The following PTPRD variants were observed in gnomAD, a reference collection of about 807,000 sequenced individuals.
PTPRD encodes protein tyrosine phosphatase receptor type D.
A neutral mutation model predicts 214.5 loss-of-function variants in PTPRD; 34 were observed. The observed-to-expected ratio is 0.16, with a 90% CI of 0.12 to 0.21. The LOEUF (loss-of-function observed/expected upper bound fraction) is 0.21, where lower values mean the gene tolerates loss of function less well. Among genes scored for constraint, PTPRD ranks in the 10% least tolerant of loss-of-function variants. The pLI, the probability that PTPRD is intolerant of heterozygous loss-of-function variation, is 1.00. For missense variants in PTPRD, 2,545 were observed against 2,398.7 expected, an observed-to-expected ratio of 1.06 and a Z score of -1.27; for synonymous variants, 1,128 against 845.7, an observed-to-expected ratio of 1.33 and a Z score of -5.79.
intron 4 of PTPRD, among the ~76,000 whole-genome samples, chr9:9,967,173 C>T (rs535217181): frequency 1.2e-4 from 19 of 152,238 alleles, no homozygotes; most frequent in African/African-American, 4.6e-4. Flanking sequence ...AGACAAATGC[C>T]TCAGCCACTC....
chr9:9,405,187 T>C (rs1293740845), intron 8 of PTPRD, among the ~76,000 whole-genome samples: 1 of 152,102 alleles, frequency 6.6e-6, no homozygotes, highest in East Asian at 1.9e-4. Context: ...ATGATATTGA[T>C]TTTCTCTGCT....
At chr9:9,707,963 A>G (rs2097656573) in intron 7 of PTPRD, among the ~76,000 whole-genome samples, 1 of 151,952 alleles carries the variant, frequency 6.6e-6, no homozygotes, top group African/African-American at 2.4e-5. Context: ...AAGAAATCTG[A>G]TCACCCTTTA....
chr9:8,621,598 G>C (rs543687445), intron 14 of PTPRD, among the ~76,000 whole-genome samples: 1 of 151,800 alleles, frequency 6.6e-6, no homozygotes, highest in South Asian at 2.1e-4. Context: ...CTTCCTCCCA[G>C]ATGATGATTT....
At chr9:9,318,420 C>A (rs1039110329) in intron 9 of PTPRD, among the ~76,000 whole-genome samples, 2 of 151,988 alleles carry the variant, frequency 1.3e-5, no homozygotes, top group Non-Finnish European at 2.9e-5. Flanking sequence ...AAATGAGATT[C>A]TAAAATTCCA....
Position 8,436,770 on chromosome 9 carries a change from T to C in PTPRD, c.3989-81A>G, listed in dbSNP as rs2095367350. On this transcript the variant is annotated intron_variant, in intron 34 of 45. Transcript: ENST00000381196. The stretch of plus-strand genomic sequence containing the variant: ...CTATTCCAAAATATAGAGAATACTA[T>C]AGTTAGAAATGGCCTGAAAATATGT... 18 of 1,104,034 alleles carry C rather than the reference T, an allele frequency of 1.6e-5. No individual in the cohort carries two copies. In the Admixed American group the frequency reaches 3.1e-4, roughly 19 times the overall value. 68.4% of individuals were successfully genotyped at this position (1,104,034 alleles called of 1,614,324 possible). A position where few individuals can be genotyped will look rare whatever the true frequency, so the allele number is the denominator to read the frequency against.
intron 7 of PTPRD, among the ~76,000 whole-genome samples, chr9:9,708,468 G>C (rs767663097): frequency 6.6e-6 from 1 of 151,964 alleles, no homozygotes; most frequent in Non-Finnish European, 1.5e-5. Flanking sequence ...ACATTACATA[G>C]TCAATTATTT....
chr9:8,871,490 T>C (rs2098297879), intron 11 of PTPRD, among the ~76,000 whole-genome samples: 1 of 152,146 alleles, frequency 6.6e-6, no homozygotes, highest in Non-Finnish European at 1.5e-5. Flanking sequence ...AATTTTATGG[T>C]AGAGTTAGAC....
chr9:10,586,900 T>G (rs969878028), intron 2 of PTPRD, among the ~76,000 whole-genome samples: 3 of 151,974 alleles, frequency 2.0e-5, no homozygotes, highest in Admixed American at 6.6e-5. Flanking sequence ...AAGTATTTAA[T>G]CAACACACTT....
chr9:10,608,786 A>C (rs1350891869), intron 2 of PTPRD, among the ~76,000 whole-genome samples: 1 of 152,056 alleles, frequency 6.6e-6, no homozygotes, highest in African/African-American at 2.4e-5. Context: ...ATTCTTCATT[A>C]ATTCTTCTTC....
chr9:9,678,040 C>T (rs549386241), intron 7 of PTPRD, among the ~76,000 whole-genome samples: 3 of 152,188 alleles, frequency 2.0e-5, no homozygotes, highest in Non-Finnish European at 4.4e-5. Context: ...TCAAGGAGAA[C>T]TACAAATCAC....
At chr9:9,665,166 C>G (rs1174224516) in intron 7 of PTPRD, among the ~76,000 whole-genome samples, 1 of 151,558 alleles carries the variant, frequency 6.6e-6, no homozygotes, top group Non-Finnish European at 1.5e-5. Flanking sequence ...AAAGTACTAG[C>G]TATAGAAAAT....
chr9:9,803,549 C>A (rs80016517), intron 5 of PTPRD, among the ~76,000 whole-genome samples: 1 of 151,944 alleles, frequency 6.6e-6, no homozygotes, highest in African/African-American at 2.4e-5. Context: ...GATAAAACTT[C>A]ATGGCCAGCA....
intron 5 of PTPRD, among the ~76,000 whole-genome samples, chr9:9,819,895 T>A (rs998391065): frequency 3.3e-5 from 5 of 152,300 alleles, no homozygotes; most frequent in Middle Eastern, 3.4e-3. Context: ...CAGTCCATTG[T>A]TGATGGACAC....
intron 5 of PTPRD, among the ~76,000 whole-genome samples, chr9:9,874,265 A>G (rs927564567): frequency 1.3e-5 from 2 of 152,226 alleles, no homozygotes; most frequent in Non-Finnish European, 2.9e-5. Context: ...CTCTACTAGT[A>G]AAGCTGGCTA....
At chr9:10,248,073 C>T (rs1441970575) in intron 3 of PTPRD, among the ~76,000 whole-genome samples, 1 of 152,118 alleles carries the variant, frequency 6.6e-6, no homozygotes, top group African/African-American at 2.4e-5. Flanking sequence ...ATGTGCCTTT[C>T]ACTTTCTGCC....
At chr9:10,212,765 C>T (rs1226080591) in intron 3 of PTPRD, among the ~76,000 whole-genome samples, 1 of 152,156 alleles carries the variant, frequency 6.6e-6, no homozygotes, top group Non-Finnish European at 1.5e-5. Context: ...AGTGATTTCA[C>T]AGCTGAACTT....
chr9:8,738,824 A>T lies in PTPRD; in HGVS notation c.-103-4878T>A, dbSNP rs116961411. ...CACTTAAAACTAGGTATCATTGTTTATCTCTGAACATTTTTCATTTTTCTA... is the reference window on the plus strand; with the variant it reads ...CACTTAAAACTAGGTATCATTGTTTTTCTCTGAACATTTTTCATTTTTCTA... On this transcript the variant is annotated intron_variant, in intron 11 of 45. Transcript: ENST00000381196. 8.4e-3 allele frequency among the ~76,000 whole-genome samples: 1,273 copies of T among 152,302 alleles called. 12 individuals carry two copies. Among genetic ancestry groups the T allele is most frequent in the Middle Eastern group, 0.024 (7 of 294 alleles).
chr9:8,899,346 T>C (rs1268549688), intron 11 of PTPRD, among the ~76,000 whole-genome samples: 1 of 152,180 alleles, frequency 6.6e-6, no homozygotes, highest in African/African-American at 2.4e-5. Context: ...CCCGTATTTT[T>C]AAAATTGACT....
chr9:9,633,918 C>T (rs973928531), intron 7 of PTPRD, among the ~76,000 whole-genome samples: 1 of 152,084 alleles, frequency 6.6e-6, no homozygotes, highest in African/African-American at 2.4e-5. Flanking sequence ...ATGTAAATCA[C>T]CAAGTTCAAA....
Sources: allele counts gnomAD v4.1 joint callset (sites outside exome capture counted in the v4.1 genomes callset), GRCh38; gene constraint gnomAD v4.1.1; transcripts MANE v1.5; gene names NCBI Gene and HGNC (gene_info 2026-07-23, HGNC 2026-07-21).